The following CENPE variants were observed in gnomAD, a reference collection of about 807,000 sequenced individuals.
CENPE encodes the protein centromere protein E.
Under a neutral mutation model 336.1 loss-of-function variants are expected in CENPE, and 145 were observed. That is an observed-to-expected ratio of 0.43 (90% confidence interval 0.38 to 0.50). The LOEUF (loss-of-function observed/expected upper bound fraction) is 0.50, where lower values mean the gene tolerates loss of function less well. CENPE is among the 20% of genes least tolerant of loss of function. The pLI is 0.00. For synonymous variants in CENPE, 1,013 were observed against 984.8 expected (o/e 1.03, Z -0.54); for missense variants, 2,719 against 3,023.3 (o/e 0.90, Z 2.36).
At chr4:103,170,879 G>A (rs192031039) in intron 16 of CENPE, among the ~76,000 whole-genome samples, 2 of 152,228 alleles carry the variant, frequency 1.3e-5, no homozygotes, top group East Asian at 3.9e-4. Flanking sequence ...AAGAGAGCAG[G>A]AGAAGCTATA....
At chr4:103,193,203 T>C (rs1757499323) in intron 8 of CENPE, among the ~76,000 whole-genome samples, 1 of 151,854 alleles carries the variant, frequency 6.6e-6, no homozygotes, top group African/African-American at 2.4e-5. Flanking sequence ...ATGCCAAGAG[T>C]ATTAAAGCTA....
At chr4:103,125,664 A>T (rs1291394035) in intron 42 of CENPE, among the ~76,000 whole-genome samples, 1 of 152,018 alleles carries the variant, frequency 6.6e-6, no homozygotes, top group African/African-American at 2.4e-5. Context: ...AGAGATTGAG[A>T]TCATCCTGGC....
chr4:103,117,623 T>C (rs1002251003), intron 44 of CENPE, among the ~76,000 whole-genome samples: 8 of 107,696 alleles, frequency 7.4e-5, no homozygotes, highest in African/African-American at 4.7e-4. Context: ...TTTTCTTTCC[T>C]TTTTTTTTTT....
intron 46 of CENPE, 90 bp from the exon 47 acceptor site, chr4:103,111,101 T>C (rs1749376180): frequency 2.1e-6 from 2 of 953,998 alleles, no homozygotes; most frequent in Non-Finnish European, 3.1e-6. Flanking sequence ...AATAAGCCAT[T>C]ATAGAGACCC....
rs934050608 is a variant in CENPE, at chr4:103,161,176, T to C, written c.2041A>G (p.Lys681Glu). 1 of 1,612,630 alleles carries C rather than the reference T, an allele frequency of 6.2e-7. No individual in the cohort carries two copies. The highest frequency in any genetic ancestry group is 1.7e-4 in the Middle Eastern group (1 of 6,036). Reference protein sequence around the residue: ...LYQSQLEAKKKMQVDLEKELQ... With the variant: ...LYQSQLEAKKEMQVDLEKELQ... ...TCTTTCTCCAGATCAACTTGCATTTTCTTTTTTGCCTCCAACTGGCTTTGA... is the reference window on the plus strand; with the variant it reads ...TCTTTCTCCAGATCAACTTGCATTTCCTTTTTTGCCTCCAACTGGCTTTGA... The change falls in exon 20 of 49, where the codon AAA becomes GAA. Residue 681 changes from lysine (K) to glutamate (E), a missense_variant. By Grantham distance (56) the Lys-to-Glu change is moderately conservative. Transcript: ENST00000265148.
intron 14 of CENPE, 63 bp from the exon 15 acceptor site, chr4:103,176,111 T>C (rs950360714): frequency 1.8e-5 from 16 of 914,252 alleles, no homozygotes; most frequent in Non-Finnish European, 2.7e-5. Context: ...TAAGTCAAAT[T>C]AAAGATTACT....
At chr4:103,165,647 T>C (rs996323699) in intron 16 of CENPE, among the ~76,000 whole-genome samples, 2 of 152,170 alleles carry the variant, frequency 1.3e-5, no homozygotes, top group Non-Finnish European at 2.9e-5. Flanking sequence ...ACAGGATGTT[T>C]TTATTACATA....
chr4:103,143,003 C>CAAAAAAAA (rs1168385683), intron 34 of CENPE, among the ~76,000 whole-genome samples: 4 of 62,978 alleles, frequency 6.4e-5, no homozygotes, highest in African/African-American at 1.1e-4. Context: ...GACTCTGTCT[C>CAAAAAAAA]AAAAAAAAAA....
At chr4:103,129,516 A>G (rs933749567) in intron 42 of CENPE, among the ~76,000 whole-genome samples, 1 of 152,124 alleles carries the variant, frequency 6.6e-6, no homozygotes, top group African/African-American at 2.4e-5. Flanking sequence ...AGGTGGGTGG[A>G]TCACGAGGTC....
chr4:103,182,561 G>A (rs945994980), intron 11 of CENPE, among the ~76,000 whole-genome samples: 2 of 152,070 alleles, frequency 1.3e-5, no homozygotes, highest in Non-Finnish European at 2.9e-5. Flanking sequence ...AAATAGTGTT[G>A]GGTGTGGCAA....
chr4:103,149,397 G>T lies in CENPE; in HGVS notation c.3408C>A (p.Leu1136=). ...EEKLKEKSQQ[L]QEKQQQLLNV... ...TAAGAAGTTGTTGCTGTTTTTCTTG[G>T]AGTTGCTGGCTCTTAAAATGCACAA... The change falls in exon 27 of 49, where the codon CTC becomes CTA. Residue 1136 remains leucine, a synonymous_variant. Coordinates refer to ENST00000265148, the MANE Select transcript of CENPE (RefSeq NM_001813.3). The T allele has an allele frequency of 6.4e-7, 1 of 1,560,570 alleles. No homozygotes were observed. The highest frequency in any genetic ancestry group is 8.6e-7 in the Non-Finnish European group (1 of 1,161,256).
chr4:103,149,475 T>G (rs1753363080), intron 26 of CENPE, 67 bp from the exon 27 acceptor site: 1 of 1,371,204 alleles, frequency 7.3e-7, no homozygotes, highest in African/African-American at 1.5e-5. Flanking sequence ...ACAAAATCAT[T>G]AACAGCCTTG....
chr4:103,124,073 G>A (rs1398607268), intron 42 of CENPE, among the ~76,000 whole-genome samples: 4 of 152,094 alleles, frequency 2.6e-5, no homozygotes, highest in Non-Finnish European at 4.4e-5. Flanking sequence ...CTCTTACTGT[G>A]TCTAATTTAT....
chr4:103,138,109 G>A lies in CENPE; in HGVS notation c.6303+242C>T, dbSNP rs75842095. Among the ~76,000 whole-genome samples, 101 of 152,110 alleles carry A rather than the reference G, an allele frequency of 6.6e-4. 1 individual carries two copies. In the East Asian group the frequency reaches 0.013, roughly 20 times the overall value. On this transcript the variant is annotated intron_variant, in intron 39 of 48. Transcript: ENST00000265148. ...TCTGTATGGCCTGACCCTTTACCTC[G>A]TTCAGGTATTTGCTCAAGTATCACT... is the stretch of plus-strand genomic sequence containing the variant.
At chr4:103,169,248 CAAAA>C (rs200163618) in intron 16 of CENPE, among the ~76,000 whole-genome samples, 2 of 115,996 alleles carry the variant, frequency 1.7e-5, no homozygotes, top group Non-Finnish European at 1.8e-5. Flanking sequence ...AGTCAGGAGG[CAAAA>C]AAAAAAAAGG....
chr4:103,189,196 G>A (rs1306805595), intron 8 of CENPE, among the ~76,000 whole-genome samples: 6 of 152,212 alleles, frequency 3.9e-5, no homozygotes, highest in Admixed American at 6.5e-5. Context: ...ATTCACAGCC[G>A]AATTCTACCA....
chr4:103,147,136 G>A (rs1295954130), intron 29 of CENPE, among the ~76,000 whole-genome samples: 1 of 151,924 alleles, frequency 6.6e-6, no homozygotes, highest in Non-Finnish European at 1.5e-5. Flanking sequence ...GAATATTTAA[G>A]AAAACAGTTC....
intron 24 of CENPE, among the ~76,000 whole-genome samples, chr4:103,154,948 C>G (rs1449586247): frequency 2.0e-5 from 3 of 152,096 alleles, no homozygotes; most frequent in South Asian, 4.1e-4. Context: ...CCTAGATGAA[C>G]AGGGGAGCAC....
At chr4:103,178,667 T>C (rs2126014434) in intron 13 of CENPE, among the ~76,000 whole-genome samples, 1 of 152,318 alleles carries the variant, frequency 6.6e-6, no homozygotes, top group South Asian at 2.1e-4. Flanking sequence ...AAATAATTTT[T>C]GTCCATCTTT....
Sources: allele counts gnomAD v4.1 joint callset (sites outside exome capture counted in the v4.1 genomes callset), GRCh38; gene constraint gnomAD v4.1.1; transcripts MANE v1.5; gene names NCBI Gene and HGNC (gene_info 2026-07-23, HGNC 2026-07-21).